The following TTC17 variants were observed in gnomAD, a reference collection of about 807,000 sequenced individuals.
The protein encoded by TTC17 is tetratricopeptide repeat protein 17.
A neutral mutation model predicts 143.8 loss-of-function variants in TTC17; 58 were observed. The observed-to-expected ratio is 0.40, with a 90% CI of 0.33 to 0.50. The LOEUF is 0.50. TTC17 is among the 20% of genes least tolerant of loss of function. The probability of loss-of-function intolerance (pLI) is 0.49; values close to 1 mark genes in which losing one functional copy is unlikely to be tolerated. For synonymous variants in TTC17, 501 were observed against 497.8 expected (o/e 1.01, Z -0.09); for missense variants, 1,273 against 1,392.5 (o/e 0.91, Z 1.37).
intron 21 of TTC17, among the ~76,000 whole-genome samples, chr11:43,452,221 C>T (rs765997393): frequency 1.3e-5 from 2 of 152,136 alleles, no homozygotes; most frequent in East Asian, 1.9e-4. Flanking sequence ...GAAAACCGGT[C>T]GGGCCCGGTG....
chr11:43,402,714 A>C (rs1423688625), intron 10 of TTC17, among the ~76,000 whole-genome samples: 2 of 152,208 alleles, frequency 1.3e-5, no homozygotes, highest in African/African-American at 4.8e-5. Flanking sequence ...GCAAAATCCA[A>C]AAAAATCTCA....
intron 16 of TTC17, among the ~76,000 whole-genome samples, chr11:43,417,052 A>T (rs1204408582): frequency 1.3e-5 from 2 of 152,186 alleles, no homozygotes; most frequent in Non-Finnish European, 2.9e-5. Context: ...TAGGTTTAAA[A>T]ATTCATTAGT....
intron 16 of TTC17, among the ~76,000 whole-genome samples, chr11:43,423,880 C>G: frequency 1.3e-5 from 2 of 152,052 alleles, no homozygotes; most frequent in East Asian, 3.9e-4. Context: ...AAAGCATTTT[C>G]TATAAAATGA....
chr11:43,420,062 AAC>A (rs1001723619), intron 16 of TTC17, among the ~76,000 whole-genome samples: 7 of 152,210 alleles, frequency 4.6e-5, no homozygotes, highest in African/African-American at 1.7e-4. Context: ...TTGGTTAACA[AAC>A]AGTTTTTTAA....
intron 21 of TTC17, among the ~76,000 whole-genome samples, chr11:43,483,729 GATGATTCTT>G (rs1948329241): frequency 6.6e-6 from 1 of 152,152 alleles, no homozygotes; most frequent in Non-Finnish European, 1.5e-5. Context: ...CTACTTCAAA[GATGATTCTT>G]ACTGAGGAAA....
At chr11:43,402,125 A>G (rs544343194) in intron 10 of TTC17, among the ~76,000 whole-genome samples, 12 of 152,282 alleles carry the variant, frequency 7.9e-5, no homozygotes, top group South Asian at 6.2e-4. Flanking sequence ...GATGCTTTCT[A>G]TTTCTTAAAG....
At position 43,389,678 on chromosome 11, in the gene TTC17, C is replaced by T; in HGVS notation, c.276C>T (p.His92=). 6.2e-7 allele frequency: 1 copy of T among 1,608,752 alleles called. No individual in the cohort carries two copies. The highest frequency in any genetic ancestry group is 2.2e-5 in the East Asian group (1 of 44,794). ...LEKQLVAQKI[H]IEENEDRDTG... ...AACAATTAGTTGCTCAAAAAATTCA[C>T]ATAGAAGAGAATGAGGACAGAGACA... The change falls in exon 3 of 24, where the codon CAC becomes CAT. Residue 92 remains histidine (H), a synonymous_variant. Transcript: ENST00000039989.
Position 43,377,864 on chromosome 11 carries a change from A to G in TTC17, c.160-1369A>G, listed in dbSNP as rs534714727. On this transcript the variant is annotated intron_variant, in intron 1 of 23. Coordinates refer to ENST00000039989, the MANE Select transcript of TTC17 (RefSeq NM_018259.6). The stretch of plus-strand genomic sequence containing the variant: ...TTGCAATTCTTCAAATATCAGGTAA[A>G]CAGACTGGTTAGGCATTTTGTTTTT... 2.2e-4 allele frequency among the ~76,000 whole-genome samples: 33 copies of G among 152,132 alleles called. 1 individual carries two copies. In the South Asian group the frequency reaches 6.7e-3, roughly 31 times the overall value.
At chr11:43,484,068 G>A (rs1948335362) in intron 21 of TTC17, among the ~76,000 whole-genome samples, 1 of 152,172 alleles carries the variant, frequency 6.6e-6, no homozygotes, top group Admixed American at 6.5e-5. Flanking sequence ...CTTGAACCCA[G>A]GAGGCGGAGG....
Position 43,358,967 on chromosome 11 carries a change from G to A in TTC17, c.13G>A (p.Val5Ile), listed in dbSNP as rs747798838. The A allele has an allele frequency of 1.6e-5, 26 of 1,578,822 alleles. No individual in the cohort carries two copies. Among genetic ancestry groups the A allele is most frequent in the South Asian group, 1.5e-4 (13 of 87,880 alleles). The change falls in exon 1 of 24, where the codon GTA becomes ATA. Residue 5 changes from valine (V) to isoleucine (I), a missense_variant. Coordinates refer to ENST00000039989, the MANE Select transcript of TTC17 (RefSeq NM_018259.6). ...CCGGGGGGGCAAGATGGCGGCGGCAGTAGGGGTTCGTGGCCGGTACGAGCT... is the reference window on the plus strand; with the variant it reads ...CCGGGGGGGCAAGATGGCGGCGGCAATAGGGGTTCGTGGCCGGTACGAGCT... The part of the protein sequence containing the change: MAAA[V>I]GVRGRYELPP...
chr11:43,416,554 A>C (rs1946784340), intron 16 of TTC17, among the ~76,000 whole-genome samples: 1 of 152,178 alleles, frequency 6.6e-6, no homozygotes, highest in South Asian at 2.1e-4. Context: ...TGGTCCAGGA[A>C]ACTAATAACT....
At chr11:43,457,587 GAAGA>G (rs1381284407) in intron 21 of TTC17, among the ~76,000 whole-genome samples, 2 of 152,060 alleles carry the variant, frequency 1.3e-5, no homozygotes, top group African/African-American at 4.8e-5. Flanking sequence ...GGGAAAAGAT[GAAGA>G]AAGTAGATGA....
Position 43,404,038 on chromosome 11 carries a change from A to C in TTC17, c.1373A>C (p.Asn458Thr). 3.1e-6 allele frequency: 5 copies of C among 1,612,314 alleles called. No individual in the cohort carries two copies. The South Asian group carries it at 5.5e-5, about 18-fold the overall frequency. ...DSSTSSMMSV[N>T]FDVQSNQSDI... Reference sequence around the variant, plus strand: ...TCAACCTCCAGTATGATGTCTGTGAACTTTGATGTTCAATCAAATCAGAGT... The same window carrying C: ...TCAACCTCCAGTATGATGTCTGTGACCTTTGATGTTCAATCAAATCAGAGT... The change falls in exon 11 of 24, where the codon AAC becomes ACC. Residue 458 changes from asparagine (N) to threonine (T), a missense_variant. By Grantham distance (65) the Asn-to-Thr change is moderately conservative. Transcript: ENST00000039989.
At chr11:43,374,749 C>CA (rs77640352) in intron 1 of TTC17, among the ~76,000 whole-genome samples, 5,658 of 112,994 alleles carry the variant, frequency 0.05, 145 homozygotes, top group Middle Eastern at 0.1. Flanking sequence ...TTAAAAAGAC[C>CA]AAAAAAAAAA....
intron 21 of TTC17, among the ~76,000 whole-genome samples, chr11:43,455,784 C>G (rs1430526336): frequency 6.6e-6 from 1 of 151,974 alleles, no homozygotes. Context: ...AGGACTTTTA[C>G]AAACCGTTAA....
chr11:43,378,136 C>T (rs1166669643), intron 1 of TTC17, among the ~76,000 whole-genome samples: 1 of 152,174 alleles, frequency 6.6e-6, no homozygotes, highest in African/African-American at 2.4e-5. Flanking sequence ...CTTTCAACCT[C>T]AGGTGATCCA....
intron 21 of TTC17, among the ~76,000 whole-genome samples, chr11:43,482,258 GT>G (rs376372616): frequency 0.19 from 26,654 of 142,262 alleles, 2,848 homozygotes; most frequent in Admixed American, 0.33. Flanking sequence ...GTTTTTAATA[GT>G]TTTTTTTTTT....
At position 43,404,086 on chromosome 11, in the gene TTC17, C is replaced by G. The variant is rs1292680430; in HGVS notation, c.1421C>G (p.Ser474Cys). The G allele has an allele frequency of 6.2e-7, 1 of 1,613,276 alleles. No individual in the cohort carries two copies. The highest frequency in any genetic ancestry group is 1.3e-5 in the African/African-American group (1 of 74,854). The change falls in exon 11 of 24, where the codon TCT (serine) becomes TGT (cysteine). Residue 474 changes from serine (S) to cysteine (C), a missense_variant. Physicochemically the swap from Ser to Cys is moderately radical, Grantham distance 112 (BLOSUM62 -1). Around this residue, in one of 3 missense-constraint regions of TTC17, gnomAD observed 878 missense variants for 899.8 expected, o/e 0.98. Transcript: ENST00000039989. The stretch of plus-strand genomic sequence containing the variant: ...AGTGATATCAATGATTCGGTCAAGT[C>G]TTCTCCCGTAGCCCATTCTATTCTC... ...NQSDINDSVKSSPVAHSILWI... is the reference protein window; with the variant it reads ...NQSDINDSVKCSPVAHSILWI...
At chr11:43,407,653 C>G in intron 15 of TTC17, 76 bp downstream of exon 15, 1 of 1,343,012 alleles carries the variant, frequency 7.4e-7, no homozygotes, top group African/African-American at 1.5e-5. Context: ...TTGTATTTTT[C>G]TAGGGAAAGC....
Sources: allele counts gnomAD v4.1 joint callset (sites outside exome capture counted in the v4.1 genomes callset), GRCh38; gene constraint gnomAD v4.1.1; regional missense constraint gnomAD v4.1.1; transcripts MANE v1.5; gene names NCBI Gene and HGNC (gene_info 2026-07-23, HGNC 2026-07-21).